ADD2: variants seen among roughly 807,000 people sequenced by gnomAD.
The protein encoded by ADD2 is adducin 2.
ADD2 carries 23 observed loss-of-function variants against 83.0 expected under a neutral mutation model. That is an observed-to-expected ratio of 0.28 (90% confidence interval 0.20 to 0.39). The LOEUF (loss-of-function observed/expected upper bound fraction) is 0.39. Ranked by LOEUF, ADD2 falls within the 10% of genes least tolerant of loss-of-function variation. The pLI is 1.00. For synonymous variants in ADD2, 375 were observed against 375.4 expected, an observed-to-expected ratio of 1.00 and a Z score of 0.01; for missense variants, 758 against 944.9, an observed-to-expected ratio of 0.80 and a Z score of 2.59.
intron 1 of ADD2, among the ~76,000 whole-genome samples, chr2:70,749,234 G>A (rs1206107597): frequency 6.6e-6 from 1 of 152,068 alleles, no homozygotes; most frequent in Non-Finnish European, 1.5e-5. Flanking sequence ...CAGGAGAACA[G>A]CATGGGGGAA....
intron 8 of ADD2, among the ~76,000 whole-genome samples, chr2:70,688,972 G>C (rs967721171): frequency 6.6e-6 from 1 of 152,036 alleles, no homozygotes; most frequent in Admixed American, 6.5e-5. Context: ...GGGTGTGATG[G>C]GGCCTGCCTG....
intron 4 of ADD2, 58 bp downstream of exon 4, chr2:70,704,263 T>TGGGCCCCCCC: frequency 1.2e-5 from 11 of 913,232 alleles, no homozygotes; most frequent in Non-Finnish European, 1.7e-5. Flanking sequence ...CTCCCTCTCT[T>TGGGCCCCCCC]CCCCACCCCA....
rs1670300297 is a variant in ADD2 at position 70,678,692 on chromosome 2, G to A, written c.1383+12C>T. 1 of 1,543,698 alleles carries A rather than the reference G, an allele frequency of 6.5e-7. No individual in the cohort carries two copies. The highest frequency in any genetic ancestry group is 8.7e-7 in the Non-Finnish European group (1 of 1,145,486). ...CCCTCTCTGCCCGGGTCTGTCCTGG[G>A]CTCCCCCTTACCGTGGTCTTGGGTC... On this transcript the variant is annotated intron_variant, in intron 11 of 15. Transcript: ENST00000264436.
intron 4 of ADD2, among the ~76,000 whole-genome samples, chr2:70,702,987 C>T (rs1671677196): frequency 6.6e-6 from 1 of 151,942 alleles, no homozygotes; most frequent in Non-Finnish European, 1.5e-5. Flanking sequence ...ATTAGCCAGG[C>T]ATGTGGTGCG....
At chr2:70,716,200 A>G (rs1672458641) in intron 1 of ADD2, among the ~76,000 whole-genome samples, 1 of 152,050 alleles carries the variant, frequency 6.6e-6, no homozygotes, top group Non-Finnish European at 1.5e-5. Flanking sequence ...ATCGATGCCC[A>G]GCTGGGAGCT....
At chr2:70,760,606 C>T (rs1160042901) in intron 1 of ADD2, 1 of 151,968 alleles carries the variant, frequency 6.6e-6, no homozygotes, top group African/African-American at 2.4e-5. Context: ...AAATGGTTAC[C>T]ATAAAAGGAA....
chr2:70,708,246 A>G (rs1553374876), intron 2 of ADD2, among the ~76,000 whole-genome samples: 1 of 152,194 alleles, frequency 6.6e-6, no homozygotes, highest in East Asian at 1.9e-4. Context: ...AAAGGCAAAC[A>G]GTTCGTTCAA....
chr2:70,717,861 T>C (rs1366314640), intron 1 of ADD2: 1 of 152,256 alleles, frequency 6.6e-6, no homozygotes, highest in African/African-American at 2.4e-5. Context: ...AAGCTTATCA[T>C]CATTTTTTCA....
rs1553369041 is a variant in ADD2, at chr2:70,678,978, T to G, written c.1126-17A>C. On this transcript the variant is annotated splice_polypyrimidine_tract_variant and intron_variant, in intron 10 of 15. Transcript: ENST00000264436. ...TCTGTAGCCCTATAAAGGACAAAAATAGAACCACTTATGGGGTGAGAAAAA... is the reference window on the plus strand; with the variant it reads ...TCTGTAGCCCTATAAAGGACAAAAAGAGAACCACTTATGGGGTGAGAAAAA... The G allele has an allele frequency of 1.3e-6, 2 of 1,591,246 alleles. No individual in the cohort carries two copies. The highest frequency in any genetic ancestry group is 1.7e-6 in the Non-Finnish European group (2 of 1,168,892).
intron 1 of ADD2, among the ~76,000 whole-genome samples, chr2:70,763,232 T>C (rs1675208760): frequency 6.6e-6 from 1 of 151,986 alleles, no homozygotes; most frequent in Non-Finnish European, 1.5e-5. Context: ...ATGAAATCTT[T>C]ACTAAAAGCC....
At chr2:70,737,005 C>T (rs1673603063) in intron 1 of ADD2, among the ~76,000 whole-genome samples, 1 of 152,020 alleles carries the variant, frequency 6.6e-6, no homozygotes, top group Non-Finnish European at 1.5e-5. Context: ...CAGAGAAATG[C>T]AAATCAAAAC....
intron 10 of ADD2, among the ~76,000 whole-genome samples, chr2:70,682,913 G>A (rs1670531390): frequency 6.6e-6 from 1 of 151,876 alleles, no homozygotes; most frequent in African/African-American, 2.4e-5. Context: ...TGTGTTTTCT[G>A]TATTAAAGTC....
At chr2:70,670,020 G>A (rs960819051) in intron 15 of ADD2, among the ~76,000 whole-genome samples, 3 of 152,106 alleles carry the variant, frequency 2.0e-5, no homozygotes, top group East Asian at 1.9e-4. Flanking sequence ...GGAGCCCTCC[G>A]CAGATATCAC....
At chr2:70,747,524 C>A (rs992364042) in intron 1 of ADD2, among the ~76,000 whole-genome samples, 1 of 151,064 alleles carries the variant, frequency 6.6e-6, no homozygotes, top group African/African-American at 2.4e-5. Flanking sequence ...CACATGCTCT[C>A]GCATCATGCC....
chr2:70,673,892 A>C (rs1419115368), intron 14 of ADD2, among the ~76,000 whole-genome samples: 1 of 152,220 alleles, frequency 6.6e-6, no homozygotes, highest in Admixed American at 6.5e-5. Context: ...CTGGCCAGCA[A>C]GGGTTTTTTA....
intron 6 of ADD2, 71 bp from the exon 7 acceptor site, chr2:70,692,623 G>A (rs1335202672): frequency 2.0e-6 from 3 of 1,480,556 alleles, no homozygotes; most frequent in African/African-American, 2.8e-5. Context: ...CCCAGCTGGT[G>A]GGCCCAGCAT....
intron 14 of ADD2, chr2:70,673,341 C>T: frequency 1.2e-6 from 2 of 1,613,332 alleles, no homozygotes; most frequent in African/African-American, 1.3e-5. Context: ...AGAGAACCAG[C>T]CAGGAGCTTT....
chr2:70,675,867 AGT>A (rs1553368169), intron 13 of ADD2: 2 of 984,922 alleles, frequency 2.0e-6, no homozygotes, highest in African/African-American at 3.5e-5. Flanking sequence ...TTTTTTTAAC[AGT>A]GTTGCTCATT....
In ADD2 at chr2:70,717,253, T is replaced by C. The variant is rs781959435; in HGVS notation, c.-153-4069A>G. ...TCCTGTCACCAAGCATCTTCTTCCC[T>C]GTCCCACTGAAGACCAAGTACATGT... On this transcript the variant is annotated intron_variant, in intron 1 of 15. Transcript: ENST00000264436. Among the ~76,000 whole-genome samples, 2 of 152,214 alleles carry C rather than the reference T, an allele frequency of 1.3e-5. 1 individual carries two copies. The highest frequency in any genetic ancestry group is 4.1e-4 in the South Asian group (2 of 4,828).
Sources: gnomAD v4.1 joint callset for allele counts (sites outside exome capture counted in the v4.1 genomes callset) on GRCh38, gnomAD v4.1.1 for gene constraint, MANE v1.5 for transcripts, NCBI Gene and HGNC (gene_info 2026-07-23, HGNC 2026-07-21) for gene names.